Variants in KLHL29 observed in about 807,000 individuals in gnomAD.
KLHL29 encodes the protein kelch-like protein 29.
In KLHL29, 21 loss-of-function variants were observed where a neutral mutation model predicts 80.4. The observed-to-expected ratio is 0.26, with a 90% confidence interval of 0.19 to 0.38. The LOEUF is 0.38. KLHL29 is among the 10% of genes least tolerant of loss of function. The pLI, the probability that KLHL29 is intolerant of heterozygous loss-of-function variation, is 1.00. For missense variants in KLHL29, 867 were observed against 1,223.9 expected, an observed-to-expected ratio of 0.71 and a Z score of 4.35; for synonymous variants, 511 against 526.8, an observed-to-expected ratio of 0.97 and a Z score of 0.41.
intron 2 of KLHL29, among the ~76,000 whole-genome samples, chr2:23,524,870 G>A (rs566871394): frequency 6.6e-6 from 1 of 152,336 alleles, no homozygotes; most frequent in East Asian, 1.9e-4. Context: ...TTTCCATGTG[G>A]GGAGGGAGGC....
At chr2:23,488,932 C>T (rs1275968971) in intron 2 of KLHL29, among the ~76,000 whole-genome samples, 1 of 152,212 alleles carries the variant, frequency 6.6e-6, no homozygotes, top group Non-Finnish European at 1.5e-5. Context: ...CTTTTATTCT[C>T]GGACTTGGCC....
At chr2:23,415,795 C>T (rs57588437) in intron 1 of KLHL29, among the ~76,000 whole-genome samples, 2,972 of 152,152 alleles carry the variant, frequency 0.02, 40 homozygotes, top group Middle Eastern at 0.041. Flanking sequence ...ACCTCCTGGG[C>T]TCAGGCGATC....
chr2:23,402,939 A>G (rs981824348), intron 1 of KLHL29, among the ~76,000 whole-genome samples: 9 of 150,328 alleles, frequency 6.0e-5, no homozygotes, highest in African/African-American at 2.2e-4. Context: ...TATCATATAT[A>G]ATCTTATATG....
At chr2:23,633,294 CTT>C (rs1262854741) in intron 3 of KLHL29, among the ~76,000 whole-genome samples, 1 of 152,218 alleles carries the variant, frequency 6.6e-6, no homozygotes, top group Non-Finnish European at 1.5e-5. Flanking sequence ...GCTGCACTGA[CTT>C]TAGTTCTGGC....
In KLHL29 at chr2:23,443,277, CAT is replaced by C. The variant is rs551108365; in HGVS notation, c.-153-32282_-153-32281del. Among the ~76,000 whole-genome samples the C allele has an allele frequency of 1.2e-3, 179 of 152,280 alleles. 1 individual carries two copies. The highest frequency in any genetic ancestry group is 3.9e-3 in the African/African-American group (162 of 41,552). Reference sequence around the variant, plus strand: ...CTTCACCCCTAAGTACTTTTTAGCACATGTGTCCTAACTATAGGGACATTCTC... The same window carrying C: ...CTTCACCCCTAAGTACTTTTTAGCACGTGTCCTAACTATAGGGACATTCTC... On this transcript the variant is annotated intron_variant, in intron 1 of 13. Transcript: ENST00000486442.
At chr2:23,667,971 A>C (rs927527352) in intron 5 of KLHL29, 6 of 152,182 alleles carry the variant, frequency 3.9e-5, no homozygotes, top group African/African-American at 9.7e-5. Flanking sequence ...CCGAGGGAAG[A>C]AGAACACTGG....
At chr2:23,497,060 G>GAA (rs35779582) in intron 2 of KLHL29, among the ~76,000 whole-genome samples, 88 of 143,732 alleles carry the variant, frequency 6.1e-4, no homozygotes, top group Admixed American at 1.2e-3. Context: ...CCTAGGGTAG[G>GAA]AAAAAAAAAA....
In KLHL29 at chr2:23,682,028, C is replaced by T. The variant is rs1671098666; in HGVS notation, c.941-2371C>T. The stretch of plus-strand genomic sequence containing the variant: ...TCCCCCAGGTGTCCCACAGGCCCCA[C>T]CCCACAACTGATCTTCTTGTTCCCT... On this transcript the variant is annotated intron_variant, in intron 5 of 13. Transcript: ENST00000486442. The surrounding 1 kb of genome is among the most constrained non-coding windows in gnomAD (Gnocchi z 4.1). 6.6e-6 allele frequency among the ~76,000 whole-genome samples: 1 copy of T among 152,072 alleles called. No homozygotes were observed. Among genetic ancestry groups the T allele is most frequent in the South Asian group, 2.1e-4 (1 of 4,826 alleles).
chr2:23,467,998 T>C (rs945026894), intron 1 of KLHL29, among the ~76,000 whole-genome samples: 1 of 151,894 alleles, frequency 6.6e-6, no homozygotes, highest in African/African-American at 2.4e-5. Context: ...GCACTATAGG[T>C]ATTTTGTTCT....
intron 2 of KLHL29, among the ~76,000 whole-genome samples, chr2:23,543,295 A>G (rs777902223): frequency 6.6e-5 from 10 of 152,128 alleles, no homozygotes; most frequent in Non-Finnish European, 1.3e-4. Context: ...AGTGTTGTCC[A>G]GCTGTGGTCC....
intron 1 of KLHL29, among the ~76,000 whole-genome samples, chr2:23,387,068 T>C (rs1666202155): frequency 6.6e-6 from 1 of 152,078 alleles, no homozygotes; most frequent in South Asian, 2.1e-4. Context: ...TCCCCGCCGC[T>C]CTGCAAACGT....
intron 2 of KLHL29, among the ~76,000 whole-genome samples, chr2:23,501,721 C>T (rs1665442194): frequency 6.6e-6 from 1 of 152,156 alleles, no homozygotes; most frequent in Admixed American, 6.5e-5. Context: ...TATAGGTCCC[C>T]TCTAAATATT....
intron 1 of KLHL29, among the ~76,000 whole-genome samples, chr2:23,440,913 C>T (rs1182741456): frequency 6.6e-6 from 1 of 152,202 alleles, no homozygotes; most frequent in East Asian, 1.9e-4. Context: ...TTGTGGAAGT[C>T]AGTGTGGCAA....
At chr2:23,435,889 C>T (rs980368989) in intron 1 of KLHL29, among the ~76,000 whole-genome samples, 4 of 149,396 alleles carry the variant, frequency 2.7e-5, no homozygotes, top group African/African-American at 7.5e-5. Context: ...CTTTCTTTCT[C>T]TCTCTCTCTC....
chr2:23,459,579 T>C (rs1465827097), intron 1 of KLHL29, among the ~76,000 whole-genome samples: 1 of 152,162 alleles, frequency 6.6e-6, no homozygotes, highest in Non-Finnish European at 1.5e-5. Flanking sequence ...TGTTGTGTTG[T>C]GGAAGCAAAG....
rs778067234 is a variant in KLHL29, at chr2:23,586,362, C to CTTT, written c.285+23902_285+23904dup. ...CCATTCCTTCTACCTAAAAGCATTACTTTTTTTTTTTTTTTTTTTTTTTGA... is the reference window on the plus strand; with the variant it reads ...CCATTCCTTCTACCTAAAAGCATTACTTTTTTTTTTTTTTTTTTTTTTTTTTGA... On this transcript the variant is annotated intron_variant, in intron 3 of 13. Coordinates refer to ENST00000486442, the MANE Select transcript of KLHL29 (RefSeq NM_052920.2). Among the ~76,000 whole-genome samples the CTTT allele has an allele frequency of 5.3e-3, 513 of 96,970 alleles. 16 individuals carry two copies. The highest frequency in any genetic ancestry group is 0.02 in the East Asian group (67 of 3,342). 63.6% of individuals were successfully genotyped at this position (96,970 alleles called of 152,430 possible).
intron 3 of KLHL29, among the ~76,000 whole-genome samples, chr2:23,612,043 A>C (rs966792): frequency 0.35 from 53,695 of 152,014 alleles, 10,395 homozygotes; most frequent in East Asian, 0.65. Flanking sequence ...GATTCCAGAA[A>C]AAGAGGAGGA....
chr2:23,688,929 C>A (rs1347948553), intron 6 of KLHL29: 1 of 152,220 alleles, frequency 6.6e-6, no homozygotes, highest in African/African-American at 2.4e-5. Context: ...GGGGGTGTCC[C>A]CTCTGGGGTC....
chr2:23,405,461 C>T (rs927448628), intron 1 of KLHL29, among the ~76,000 whole-genome samples: 9 of 152,174 alleles, frequency 5.9e-5, no homozygotes, highest in African/African-American at 1.7e-4. Context: ...CAGTTGAATA[C>T]GTTTAGTGTT....
Sources: allele counts gnomAD v4.1 joint callset (sites outside exome capture counted in the v4.1 genomes callset), GRCh38; gene constraint gnomAD v4.1.1; non-coding constraint Gnocchi (gnomAD v3.1); transcripts MANE v1.5; gene names NCBI Gene and HGNC (gene_info 2026-07-23, HGNC 2026-07-21).